The following DNAH10 variants were observed in gnomAD, a reference collection of about 807,000 sequenced individuals.
DNAH10 encodes dynein axonemal heavy chain 10, also known as axonemal beta dynein heavy chain 10.
DNAH10 carries 348 observed loss-of-function variants against 506.6 expected under a neutral mutation model. The ratio of observed to expected loss-of-function variants is 0.69; its 90% CI spans 0.63 to 0.75. DNAH10 has a LOEUF of 0.75. Ranked by LOEUF, DNAH10 falls within the 30% of genes least tolerant of loss-of-function variation. The pLI is 0.00. For missense variants in DNAH10, 5,179 were observed against 5,787.1 expected (o/e 0.89, Z 3.41); for synonymous variants, 2,059 against 2,198.6 (o/e 0.94, Z 1.78).
intron 56 of DNAH10, among the ~76,000 whole-genome samples, chr12:123,899,430 C>T (rs1953414897): frequency 1.3e-5 from 2 of 152,168 alleles, no homozygotes; most frequent in African/African-American, 4.8e-5. Flanking sequence ...AGATGCCGCT[C>T]AACCTGCCTG....
At chr12:123,875,080 T>C (rs1952198357) in intron 46 of DNAH10, 151 bp from the exon 47 acceptor site, 1 of 836,642 alleles carries the variant, frequency 1.2e-6, no homozygotes, top group Admixed American at 2.9e-5. Flanking sequence ...TATATACAGT[T>C]GCAACCTTTG....
rs958788319 is a variant in DNAH10, at chr12:123,787,732, C to T, written c.1422-72C>T. 1.3e-6 allele frequency: 2 copies of T among 1,546,962 alleles called. No homozygotes were observed. The highest frequency in any genetic ancestry group is 1.8e-6 in the Non-Finnish European group (2 of 1,139,444). ...GTCAGAGCTTCACGGGACACTGGCT[C>T]CCCAGCCGGGGAGTGCGGCTCGGAC... is the stretch of plus-strand genomic sequence containing the variant. On this transcript the variant is annotated intron_variant, in intron 9 of 78. Transcript: ENST00000673944. The surrounding 1 kb of genome is among the most constrained non-coding windows in gnomAD (Gnocchi z 4.6).
chr12:123,877,387 C>G (rs1952300124), intron 47 of DNAH10, among the ~76,000 whole-genome samples: 1 of 152,178 alleles, frequency 6.6e-6, no homozygotes, highest in Admixed American at 6.5e-5. Context: ...TCTCGGTTCA[C>G]TGCAACCTCC....
chr12:123,823,951 G>A (rs1246317917), intron 24 of DNAH10, among the ~76,000 whole-genome samples: 1 of 151,908 alleles, frequency 6.6e-6, no homozygotes, highest in Non-Finnish European at 1.5e-5. Context: ...GGATGTTAAG[G>A]GACATTTCAT....
At position 123,902,770 on chromosome 12, in the gene DNAH10, AG is replaced by A. The variant is rs1953583180; in HGVS notation, c.9641-167del. ...AGTGCTGGAGGCCCCACGCATGGTG[AG>A]GTTTTCTGTCCCACCAGGATCACTG... On this transcript the variant is annotated intron_variant, in intron 56 of 78. Transcript: ENST00000673944. The surrounding 1 kb of genome is among the most constrained non-coding windows in gnomAD (Gnocchi z 4.5). Among the ~76,000 whole-genome samples the A allele has an allele frequency of 6.6e-6, 1 of 152,222 alleles. No homozygotes were observed. Among genetic ancestry groups the A allele is most frequent in the African/African-American group, 2.4e-5 (1 of 41,534 alleles).
intron 5 of DNAH10, among the ~76,000 whole-genome samples, chr12:123,776,613 G>A (rs1222644700): frequency 6.6e-6 from 1 of 150,568 alleles, no homozygotes; most frequent in Non-Finnish European, 1.5e-5. Flanking sequence ...TACAGCCTGG[G>A]TGACAGAGAG....
chr12:123,914,247 T>G (rs1057227919), intron 60 of DNAH10, 82 bp from the exon 61 acceptor site: 10 of 1,304,522 alleles, frequency 7.7e-6, no homozygotes, highest in Non-Finnish European at 1.1e-5. Flanking sequence ...TAGCAAGGTA[T>G]CAAGCTGGTT....
At chr12:123,870,257 T>C in intron 43 of DNAH10, 109 bp from the exon 44 acceptor site, 1 of 1,416,434 alleles carries the variant, frequency 7.1e-7, no homozygotes, top group South Asian at 1.4e-5. Flanking sequence ...GTACTCACTA[T>C]GGCCTCCGTG....
chr12:123,780,811 T>C (rs1246033218), intron 5 of DNAH10, among the ~76,000 whole-genome samples: 1 of 151,630 alleles, frequency 6.6e-6, no homozygotes, highest in African/African-American at 2.4e-5. Flanking sequence ...TAGCTGGGTG[T>C]GCTGGTGTGT....
intron 18 of DNAH10, among the ~76,000 whole-genome samples, chr12:123,805,911 G>A (rs1456279024): frequency 6.6e-6 from 1 of 151,694 alleles, no homozygotes; most frequent in Non-Finnish European, 1.5e-5. Context: ...TGAGTAGCTG[G>A]GACTACAGGC....
rs1034951500 is a variant in DNAH10 at position 123,853,238 on chromosome 12, G to A, written c.6324G>A (p.Lys2108=). Residue 2108 remains lysine (K), a synonymous_variant, in exon 36 of 79, where the codon AAG becomes AAA. Transcript: ENST00000673944. The surrounding 1 kb of genome is among the most constrained non-coding windows in gnomAD (Gnocchi z 4.7). ...CGAAAAAGATGACGGTTCTGTATAA[G>A]CTGGCCCGGGAGCAGCTGTCCAAGC... The part of the protein sequence containing the change: ...TLAKKMTVLY[K]LAREQLSKQY... The A allele has an allele frequency of 6.2e-6, 10 of 1,609,716 alleles. No homozygotes were observed. Among genetic ancestry groups the A allele is most frequent in the Non-Finnish European group, 8.5e-6 (10 of 1,177,992 alleles).
intron 10 of DNAH10, among the ~76,000 whole-genome samples, chr12:123,789,456 T>C (rs141506842): frequency 0.028 from 4,263 of 151,874 alleles, 171 homozygotes; most frequent in African/African-American, 0.09. Context: ...CGATCTTGGC[T>C]AACTGCAACC....
At chr12:123,812,553 A>G (rs1374669581) in intron 19 of DNAH10, among the ~76,000 whole-genome samples, 1 of 152,228 alleles carries the variant, frequency 6.6e-6, no homozygotes, top group Non-Finnish European at 1.5e-5. Context: ...TAAGCAGTCA[A>G]TTTGCCTGAA....
chr12:123,843,226 C>T (rs1385424847), intron 30 of DNAH10, among the ~76,000 whole-genome samples: 3 of 152,202 alleles, frequency 2.0e-5, no homozygotes, highest in African/African-American at 7.2e-5. Flanking sequence ...GAATAGTTGA[C>T]ATGAGCATGT....
At chr12:123,831,165 G>A (rs1215147922) in intron 26 of DNAH10, among the ~76,000 whole-genome samples, 2 of 149,340 alleles carry the variant, frequency 1.3e-5, no homozygotes, top group Non-Finnish European at 1.5e-5. Context: ...GGATGTTCAT[G>A]GTAGAAAATT....
chr12:123,840,534 T>C (rs965008515), intron 29 of DNAH10, among the ~76,000 whole-genome samples: 1 of 151,098 alleles, frequency 6.6e-6, no homozygotes, highest in Non-Finnish European at 1.5e-5. Context: ...CCTCCCAAAG[T>C]GGTGGGATTA....
intron 54 of DNAH10, among the ~76,000 whole-genome samples, chr12:123,897,507 T>C (rs1374465711): frequency 6.6e-6 from 1 of 152,194 alleles, no homozygotes; most frequent in Admixed American, 6.5e-5. Context: ...ACCGATTGCC[T>C]TAGCTCAGGA....
intron 51 of DNAH10, 161 bp downstream of exon 51, chr12:123,881,974 C>A: frequency 1.6e-6 from 1 of 608,198 alleles, no homozygotes; most frequent in Non-Finnish European, 2.4e-6. Context: ...TTGTTTTTGG[C>A]TTGATATTAC....
At chr12:123,901,348 G>C (rs1001090243) in intron 56 of DNAH10, among the ~76,000 whole-genome samples, 1 of 152,190 alleles carries the variant, frequency 6.6e-6, no homozygotes, top group African/African-American at 2.4e-5. Context: ...CTGTTCCGAA[G>C]GTTCCACACT....
Sources: allele counts gnomAD v4.1 joint callset (sites outside exome capture counted in the v4.1 genomes callset), GRCh38; gene constraint gnomAD v4.1.1; non-coding constraint Gnocchi (gnomAD v3.1); transcripts MANE v1.5; gene names NCBI Gene and HGNC (gene_info 2026-07-23, HGNC 2026-07-21).